CFAP61: variants seen among roughly 807,000 people sequenced by gnomAD.
The protein encoded by CFAP61 is cilia- and flagella-associated protein 61.
CFAP61 carries 107 observed loss-of-function variants against 135.6 expected under a neutral mutation model. The observed-to-expected ratio is 0.79, with a 90% CI of 0.67 to 0.93. The LOEUF is 0.93. CFAP61 is among the 40% of genes least tolerant of loss of function. The pLI, the probability that CFAP61 is intolerant of heterozygous loss-of-function variation, is 0.00. For missense variants in CFAP61, 1,507 were observed against 1,556.2 expected (o/e 0.97, Z 0.53); for synonymous variants, 575 against 578.5 (o/e 0.99, Z 0.09).
At chr20:20,075,755 G>C in intron 6 of CFAP61, 140 bp downstream of exon 6, 1 of 843,560 alleles carries the variant, frequency 1.2e-6, no homozygotes, top group Non-Finnish European at 1.9e-6. Flanking sequence ...ACTTCATTTG[G>C]ATATCTTTAT....
chr20:20,200,737 G>A (rs1448979346), intron 17 of CFAP61: 2 of 985,332 alleles, frequency 2.0e-6, no homozygotes, highest in Non-Finnish European at 2.4e-6. Flanking sequence ...CCAAGGAGCT[G>A]CCCCTCAGAG....
chr20:20,257,783 A>G (rs2051762839), intron 20 of CFAP61, among the ~76,000 whole-genome samples: 2 of 152,238 alleles, frequency 1.3e-5, no homozygotes, highest in Non-Finnish European at 2.9e-5. Context: ...TCTTAAGCTA[A>G]ATTAATCTAA....
intron 8 of CFAP61, among the ~76,000 whole-genome samples, chr20:20,136,243 T>C (rs2050913182): frequency 6.6e-6 from 1 of 152,166 alleles, no homozygotes; most frequent in Admixed American, 6.5e-5. Flanking sequence ...TACTTGGTGT[T>C]TATACTTCTT....
At chr20:20,054,691 C>T (rs2044156707) in intron 1 of CFAP61, among the ~76,000 whole-genome samples, 1 of 152,176 alleles carries the variant, frequency 6.6e-6, no homozygotes, top group Non-Finnish European at 1.5e-5. Context: ...TGGCCTTTTA[C>T]AGAAGTTTGC....
intron 19 of CFAP61, among the ~76,000 whole-genome samples, chr20:20,246,666 T>G (rs1436390804): frequency 6.6e-6 from 1 of 152,250 alleles, no homozygotes; most frequent in Non-Finnish European, 1.5e-5. Flanking sequence ...TTCATCCCAG[T>G]AGAATCACTA....
chr20:20,090,895 T>G lies in CFAP61; in HGVS notation c.618T>G (p.Ile206Met), dbSNP rs1289862439. 6.2e-7 allele frequency: 1 copy of G among 1,614,000 alleles called. No individual in the cohort carries two copies. The highest frequency in any genetic ancestry group is 1.1e-5 in the South Asian group (1 of 91,074). The change falls in exon 7 of 27, where the codon ATT becomes ATG. Residue 206 changes from isoleucine to methionine, a missense_variant. By Grantham distance (10) the Ile-to-Met change is conservative (BLOSUM62 1). Coordinates refer to ENST00000245957, the MANE Select transcript of CFAP61 (RefSeq NM_015585.4). ...CAATATTTATGCGCTATGACACAAT[T>G]CTGAAGGAAACTTACGGTGAATACT... ...LMPIFMRYDT[I>M]LKETYGEYFL... is the part of the protein sequence containing the mutation.
At chr20:20,244,302 C>A (rs2050258364) in intron 18 of CFAP61, among the ~76,000 whole-genome samples, 1 of 152,240 alleles carries the variant, frequency 6.6e-6, no homozygotes. Context: ...CAGAAGTTTT[C>A]CATGAGAGCC....
chr20:20,206,753 CAT>C (rs142288798), intron 17 of CFAP61, among the ~76,000 whole-genome samples: 9 of 149,696 alleles, frequency 6.0e-5, no homozygotes, highest in South Asian at 2.1e-4. Context: ...ATATATATAC[CAT>C]ATATATATAT....
At chr20:20,214,722 A>G (rs1260289780) in intron 17 of CFAP61, among the ~76,000 whole-genome samples, 1 of 152,226 alleles carries the variant, frequency 6.6e-6, no homozygotes, top group Non-Finnish European at 1.5e-5. Context: ...ACTATTAGAG[A>G]TGAAGGCCTA....
chr20:20,158,181 T>C (rs1432872860), intron 9 of CFAP61, among the ~76,000 whole-genome samples: 4 of 151,768 alleles, frequency 2.6e-5, no homozygotes, highest in African/African-American at 7.3e-5. Flanking sequence ...CCATGGCACA[T>C]GTATACATAT....
chr20:20,356,244 G>A (rs1298721267), intron 26 of CFAP61, among the ~76,000 whole-genome samples: 1 of 126,548 alleles, frequency 7.9e-6, no homozygotes, highest in African/African-American at 3.1e-5. Context: ...TGAGGGGAGG[G>A]GTCATACTGC....
In CFAP61 at chr20:20,191,326, A is replaced by C; in HGVS notation, c.1513-16A>C. On this transcript the variant is annotated splice_polypyrimidine_tract_variant and intron_variant, in intron 14 of 26. Coordinates refer to ENST00000245957, the MANE Select transcript of CFAP61 (RefSeq NM_015585.4). Reference sequence around the variant, plus strand: ...CATATTTTTAAGGGTCTTAAAATATATGCTTATCTTTTCAGGATGGAACAC... The same window carrying C: ...CATATTTTTAAGGGTCTTAAAATATCTGCTTATCTTTTCAGGATGGAACAC... 2 of 1,609,628 alleles carry C rather than the reference A, an allele frequency of 1.2e-6. No individual in the cohort carries two copies. The highest frequency in any genetic ancestry group is 1.1e-5 in the South Asian group (1 of 90,726).
Position 20,356,120 on chromosome 20 carries a change from G to A in CFAP61, c.3514-4090G>A, listed in dbSNP as rs868043620. On this transcript the variant is annotated intron_variant, in intron 26 of 26. Transcript: ENST00000245957. ...TGTGAGGGGAGGTGGTCACACTGAGGGGAGGTAGTCACACTGAGAGGAGGT... is the reference window on the plus strand; with the variant it reads ...TGTGAGGGGAGGTGGTCACACTGAGAGGAGGTAGTCACACTGAGAGGAGGT... Among the ~76,000 whole-genome samples the A allele has an allele frequency of 1.3e-3, 112 of 83,468 alleles. 6 individuals are homozygous for A. The highest frequency in any genetic ancestry group is 4.2e-3 in the African/African-American group (103 of 24,756). The allele number at this position is 83,468 out of a possible 152,430, so 54.8% of individuals were successfully genotyped here.
chr20:20,325,549 T>G (rs1280188005), intron 25 of CFAP61, among the ~76,000 whole-genome samples: 1 of 152,248 alleles, frequency 6.6e-6, no homozygotes, highest in East Asian at 1.9e-4. Context: ...TTAAGGTTCC[T>G]CCATGTCTTT....
rs994740446 is a variant in CFAP61, at chr20:20,298,239, A to T, written c.3275A>T (p.Asn1092Ile). The T allele has an allele frequency of 6.2e-7, 1 of 1,614,018 alleles. No individual in the cohort carries two copies. The highest frequency in any genetic ancestry group is 1.3e-5 in the African/African-American group (1 of 74,918). ...KNGTYFRIHINKYKMVETITC... is the reference protein window; with the variant it reads ...KNGTYFRIHIIKYKMVETITC... ...GGGACTTACTTCCGAATTCATATTA[A>T]CAAGTATAAAATGGTGGAAACCATC... The change falls in exon 25 of 27, where the codon AAC (asparagine) becomes ATC (isoleucine). Residue 1092 changes from asparagine (N) to isoleucine (I), a missense_variant. Asn to Ile is a moderately radical substitution (Grantham distance 149). Transcript: ENST00000245957.
chr20:20,251,230 A>T (rs944942387), intron 19 of CFAP61, among the ~76,000 whole-genome samples: 2 of 152,184 alleles, frequency 1.3e-5, no homozygotes, highest in Admixed American at 1.3e-4. Flanking sequence ...GGCTGTGGTC[A>T]ATACACCAAT....
At chr20:20,063,230 T>A (rs1250350627) in intron 2 of CFAP61, among the ~76,000 whole-genome samples, 2 of 152,206 alleles carry the variant, frequency 1.3e-5, no homozygotes, top group African/African-American at 4.8e-5. Context: ...TTAGCTCACT[T>A]TATGAGGCTA....
chr20:20,280,005 A>G (rs1241474346), intron 22 of CFAP61, among the ~76,000 whole-genome samples: 1 of 151,986 alleles, frequency 6.6e-6, no homozygotes, highest in East Asian at 1.9e-4. Flanking sequence ...CCTCTTCACT[A>G]TGGTCTTGGT....
At chr20:20,075,821 A>T (rs1476651847) in intron 6 of CFAP61, among the ~76,000 whole-genome samples, 1 of 152,208 alleles carries the variant, frequency 6.6e-6, no homozygotes. Context: ...ATTTGGTTCT[A>T]TGTGGCTATA....
Sources: gnomAD v4.1 joint callset for allele counts (sites outside exome capture counted in the v4.1 genomes callset) on GRCh38, gnomAD v4.1.1 for gene constraint, MANE v1.5 for transcripts, NCBI Gene and HGNC (gene_info 2026-07-23, HGNC 2026-07-21) for gene names.